MESP1: variants seen among roughly 807,000 people sequenced by gnomAD.
The protein encoded by MESP1 is mesoderm posterior bHLH transcription factor 1, also known as mesoderm posterior protein 1.
A neutral mutation model predicts 15.2 loss-of-function variants in MESP1; 22 were observed. That is an observed-to-expected ratio of 1.45 (90% CI 1.04 to 2.07). MESP1 has a LOEUF of 2.07. MESP1 is among the 30% of genes most tolerant of loss of function. The pLI, the probability that MESP1 is intolerant of heterozygous loss-of-function variation, is 0.00. For missense variants in MESP1, 484 were observed against 411.9 expected, an observed-to-expected ratio of 1.17 and a Z score of -1.51; for synonymous variants, 216 against 192.6, an observed-to-expected ratio of 1.12 and a Z score of -1.01.
the MESP1 span, chr15:89,738,189 C>G: frequency 6.2e-7 from 1 of 1,613,888 alleles, no homozygotes; most frequent in Middle Eastern, 1.7e-4. Context: ...TGGCCTTCCC[C>G]CAAGCACTGC....
chr15:89,749,998 G>C lies in MESP1; in HGVS notation c.*146C>G, dbSNP rs1968049994. On this transcript the variant is annotated 3_prime_UTR_variant, in exon 2 of 2. Coordinates refer to ENST00000300057, the MANE Select transcript of MESP1 (RefSeq NM_018670.4). ...GGAGGGGCTGAGAAGGGCCGCCGCG[G>C]TGGGGACGGCTCTCACCCGCAGGAA... 3 of 770,024 alleles carry C rather than the reference G, an allele frequency of 3.9e-6. No individual in the cohort carries two copies. The highest frequency in any genetic ancestry group is 6.7e-6 in the Non-Finnish European group (3 of 446,778). 47.7% of individuals were successfully genotyped at this position (770,024 alleles called of 1,614,324 possible).
At chr15:89,743,599 C>T in the MESP1 span, 1 of 584,190 alleles carries the variant, frequency 1.7e-6, no homozygotes, top group South Asian at 2.1e-5. Flanking sequence ...CTCAGGCAGG[C>T]AGATGTGTCA....
chr15:89,750,974 G>C lies in MESP1; in HGVS notation c.258C>G (p.Ser86Arg). Residue 86 changes from serine (S) to arginine (R), a missense_variant, in exon 1 of 2, where the codon AGC (serine) becomes AGG (arginine). Ser to Arg is a moderately radical substitution (Grantham distance 110). Transcript: ENST00000300057. ...TGCGCAGTTTCTCCCGCTCACTGGCGCTCTGCCTCTGCCCGCTGCCCAGGC... is the reference window on the plus strand; with the variant it reads ...TGCGCAGTTTCTCCCGCTCACTGGCCCTCTGCCTCTGCCCGCTGCCCAGGC... ...SSRLGSGQRQ[S>R]ASEREKLRMR... 7.0e-7 allele frequency: 1 copy of C among 1,433,638 alleles called. No homozygotes were observed. 88.8% of individuals were successfully genotyped at this position (1,433,638 alleles called of 1,614,324 possible).
the MESP1 span, among the ~76,000 whole-genome samples, chr15:89,734,002 T>C: frequency 3.3e-5 from 5 of 151,480 alleles, no homozygotes; most frequent in Non-Finnish European, 5.9e-5. Flanking sequence ...AATGTGTGTG[T>C]GTGTGTGTGT....
At chr15:89,743,367 C>G in the MESP1 span, 2 of 1,614,132 alleles carry the variant, frequency 1.2e-6, no homozygotes, top group African/African-American at 1.3e-5. Flanking sequence ...CCTTGTCGCT[C>G]CAGAGAGAGA....
Position 89,749,956 on chromosome 15 carries a change from T to C in MESP1, c.*188A>G. 1.6e-6 allele frequency: 1 copy of C among 617,478 alleles called. No individual in the cohort carries two copies. Among genetic ancestry groups the C allele is most frequent in the Admixed American group, 2.8e-5 (1 of 35,498 alleles). 38.2% of individuals were successfully genotyped at this position (617,478 alleles called of 1,614,324 possible). On this transcript the variant is annotated 3_prime_UTR_variant, in exon 2 of 2. Coordinates refer to ENST00000300057, the MANE Select transcript of MESP1 (RefSeq NM_018670.4). ...GCTTGCCTCAAAGTGTCTAGCCCTATGGGTCCCTCCATGGAGGGAGGGGCT... is the reference window on the plus strand; with the variant it reads ...GCTTGCCTCAAAGTGTCTAGCCCTACGGGTCCCTCCATGGAGGGAGGGGCT...
chr15:89,746,975 GCACA>G (rs139505842), downstream of MESP1, among the ~76,000 whole-genome samples: 9 of 100,106 alleles, frequency 9.0e-5, no homozygotes, highest in South Asian at 1.4e-3. Flanking sequence ...ACACACACGT[GCACA>G]CAGAGCCCCG....
chr15:89,737,358 A>G, the MESP1 span, among the ~76,000 whole-genome samples: 5 of 152,216 alleles, frequency 3.3e-5, no homozygotes, highest in Admixed American at 1.3e-4. Flanking sequence ...CCTGGAGCAG[A>G]CAGCATGTGG....
chr15:89,739,821 C>A, the MESP1 span, among the ~76,000 whole-genome samples: 6 of 152,292 alleles, frequency 3.9e-5, no homozygotes, highest in South Asian at 1.2e-3. Flanking sequence ...ACTGTCTCCC[C>A]CTTTCTCTGT....
At chr15:89,747,583 T>C (rs1967995730), downstream of MESP1, among the ~76,000 whole-genome samples, 2 of 152,154 alleles carry the variant, frequency 1.3e-5, no homozygotes, top group Non-Finnish European at 2.9e-5. Context: ...TGGGGCACCC[T>C]GACTGGGCCT....
chr15:89,737,821 C>T, the MESP1 span: 1 of 1,545,736 alleles, frequency 6.5e-7, no homozygotes, highest in Non-Finnish European at 8.8e-7. Flanking sequence ...CTCCTCCCCA[C>T]TCTGTGTCCC....
chr15:89,743,516 G>A, the MESP1 span: 1 of 853,820 alleles, frequency 1.2e-6, no homozygotes, highest in Non-Finnish European at 1.8e-6. Context: ...CGGAGTCTGG[G>A]GCCTCTGCAG....
the MESP1 span, among the ~76,000 whole-genome samples, chr15:89,737,065 A>C: frequency 2.0e-5 from 3 of 152,206 alleles, no homozygotes; most frequent in Non-Finnish European, 4.4e-5. Flanking sequence ...TGCTGGGATT[A>C]CAGGCATGAG....
At chr15:89,741,144 AAAAT>A in the MESP1 span, among the ~76,000 whole-genome samples, 2 of 151,800 alleles carry the variant, frequency 1.3e-5, no homozygotes, top group South Asian at 2.1e-4. Flanking sequence ...TGTCTCAAAA[AAAAT>A]AAATAAATAA....
chr15:89,732,978 G>A, the MESP1 span: 4 of 1,610,660 alleles, frequency 2.5e-6, no homozygotes, highest in Non-Finnish European at 3.4e-6. Context: ...CCCGTTTTCT[G>A]ACCGGCTTGT....
In MESP1 at chr15:89,750,235, G is replaced by C; in HGVS notation, c.724-8C>G. 1 of 1,613,756 alleles carries C rather than the reference G, an allele frequency of 6.2e-7. No individual in the cohort carries two copies. On this transcript the variant is annotated splice_polypyrimidine_tract_variant and splice_region_variant and intron_variant, in intron 1 of 1. Coordinates refer to ENST00000300057, the MANE Select transcript of MESP1 (RefSeq NM_018670.4). ...CACGTCGCCCGGAAGGAGCTGTAGG[G>C]AGAGACGGAACAGCGCAGCCCTCAA...
At chr15:89,743,544 G>A in the MESP1 span, 16 of 672,582 alleles carry the variant, frequency 2.4e-5, no homozygotes, top group Non-Finnish European at 3.5e-5. Context: ...AAGGGGAAAA[G>A]TATAATCTGG....
At chr15:89,735,560 T>A in the MESP1 span, 7 of 1,613,194 alleles carry the variant, frequency 4.3e-6, no homozygotes, top group Non-Finnish European at 5.1e-6. Flanking sequence ...CATGGTAGGT[T>A]CCCCATGCCT....
chr15:89,734,023 A>ATG, the MESP1 span, among the ~76,000 whole-genome samples: 7 of 151,474 alleles, frequency 4.6e-5, no homozygotes, highest in Non-Finnish European at 1.0e-4. Flanking sequence ...GCGCGCGCGC[A>ATG]TGTGTGTACG....
Sources: allele counts gnomAD v4.1 joint callset (sites outside exome capture counted in the v4.1 genomes callset), GRCh38; gene constraint gnomAD v4.1.1; transcripts MANE v1.5; gene names NCBI Gene and HGNC (gene_info 2026-07-23, HGNC 2026-07-21).